The following IL4R variants were observed in gnomAD, a reference collection of about 807,000 sequenced individuals.
IL4R encodes interleukin-4 receptor subunit alpha.
In IL4R, 17 loss-of-function variants were observed where a neutral mutation model predicts 41.5. The ratio of observed to expected loss-of-function variants is 0.41; its 90% confidence interval spans 0.28 to 0.61. The LOEUF (loss-of-function observed/expected upper bound fraction) is 0.61, where lower values mean the gene tolerates loss of function less well. IL4R is among the 20% of genes least tolerant of loss of function. The pLI is 0.31. For synonymous variants in IL4R, 402 were observed against 422.9 expected (o/e 0.95, Z 0.61); for missense variants, 974 against 1,043.1 (o/e 0.93, Z 0.91).
In IL4R at chr16:27,363,607, C is replaced by T; in HGVS notation, c.2255C>T (p.Ser752Phe). The T allele has an allele frequency of 6.2e-7, 1 of 1,613,982 alleles. No homozygotes were observed. Among genetic ancestry groups the T allele is most frequent in the Non-Finnish European group, 8.5e-7 (1 of 1,179,986 alleles). ...TGTGGCTGCTGCTGTGGAGACAGGT[C>T]CTCGCCCCCTACAACCCCCCTGAGG... ...PCCGCCCGDR[S>F]SPPTTPLRAP... Residue 752 changes from serine (S) to phenylalanine (F), a missense_variant, in exon 11 of 11, where the codon TCC (serine) becomes TTC (phenylalanine). Around this residue, in one of 3 missense-constraint regions of IL4R, gnomAD observed 682 missense variants for 704.3 expected, o/e 0.97. Coordinates refer to ENST00000395762, the MANE Select transcript of IL4R (RefSeq NM_000418.4).
chr16:27,341,904 C>A (rs964564750), intron 3 of IL4R: 2 of 546,530 alleles, frequency 3.7e-6, no homozygotes, highest in Non-Finnish European at 6.5e-6. Context: ...TGTCTAATGG[C>A]CCCCGCACCC....
At chr16:27,340,132 T>G in intron 2 of IL4R, 54 bp from the exon 3 acceptor site, 4 of 1,164,582 alleles carry the variant, frequency 3.4e-6, no homozygotes, top group South Asian at 1.3e-5. Context: ...TTGAATAAGA[T>G]GAGCTCTGCT....
intron 9 of IL4R, among the ~76,000 whole-genome samples, chr16:27,360,041 G>A (rs112760227): frequency 7.3e-5 from 11 of 150,894 alleles, no homozygotes; most frequent in East Asian, 3.9e-4. Flanking sequence ...TTTCTGAGAC[G>A]GAGTTTTGCT....
In IL4R at chr16:27,336,582, G is replaced by GTGGGAAGA. The variant is rs576847854; in HGVS notation, c.-18-3602_-18-3595dup. Among the ~76,000 whole-genome samples the GTGGGAAGA allele has an allele frequency of 9.2e-5, 14 of 151,768 alleles. No homozygotes were observed. In the East Asian group the frequency reaches 2.7e-3, roughly 29 times the overall value. On this transcript the variant is annotated intron_variant, in intron 2 of 10. Coordinates refer to ENST00000395762, the MANE Select transcript of IL4R (RefSeq NM_000418.4). ...GGTCCCAGCTACTCAGGAGGCTGAG[G>GTGGGAAGA]TGGGAAGATTGCTTGAGCCCGGGAG...
chr16:27,319,675 A>G (rs1596742899), intron 1 of IL4R, among the ~76,000 whole-genome samples: 1 of 152,182 alleles, frequency 6.6e-6, no homozygotes, highest in East Asian at 1.9e-4. Context: ...AGGGGTCCCC[A>G]CACAGCAGGG....
chr16:27,313,957 C>T, upstream of IL4R: 2 of 984,664 alleles, frequency 2.0e-6, no homozygotes, highest in Non-Finnish European at 2.4e-6. Flanking sequence ...CAGGGAAGGG[C>T]CACCCAGGGG....
intron 1 of IL4R, among the ~76,000 whole-genome samples, chr16:27,326,624 C>T (rs1270679570): frequency 6.6e-6 from 1 of 152,120 alleles, no homozygotes; most frequent in South Asian, 2.1e-4. Context: ...CGTGACGGTG[C>T]GACTGCATTC....
intron 10 of IL4R, among the ~76,000 whole-genome samples, chr16:27,361,857 C>A (rs1355776468): frequency 6.6e-6 from 1 of 152,130 alleles, no homozygotes; most frequent in Non-Finnish European, 1.5e-5. Flanking sequence ...TGAGCTCAAG[C>A]GATCCTCCCT....
rs117388685 is a variant in IL4R, at chr16:27,324,808, G to A, written c.-151-5258G>A. On this transcript the variant is annotated intron_variant, in intron 1 of 10. Coordinates refer to ENST00000395762, the MANE Select transcript of IL4R (RefSeq NM_000418.4). Reference sequence around the variant, plus strand: ...AAGTGTCCACAGTGCGCCGGAGCGCGTGGTCTTCCCCAGCAAATCTGCTTC... The same window carrying A: ...AAGTGTCCACAGTGCGCCGGAGCGCATGGTCTTCCCCAGCAAATCTGCTTC... 2.9e-3 allele frequency among the ~76,000 whole-genome samples: 447 copies of A among 152,298 alleles called. 3 individuals are homozygous for A. The highest frequency in any genetic ancestry group is 4.3e-3 in the Non-Finnish European group (292 of 68,030).
intron 2 of IL4R, among the ~76,000 whole-genome samples, chr16:27,336,579 G>T (rs1343862405): frequency 6.6e-6 from 1 of 151,506 alleles, no homozygotes; most frequent in African/African-American, 2.4e-5. Flanking sequence ...TCAGGAGGCT[G>T]AGGTGGGAAG....
In IL4R at chr16:27,345,272, A is replaced by T. The variant is rs2085601474; in HGVS notation, c.361+252A>T. On this transcript the variant is annotated intron_variant, in intron 5 of 10. Coordinates refer to ENST00000395762, the MANE Select transcript of IL4R (RefSeq NM_000418.4). This position sits in a 1 kb window ranked among gnomAD's most constrained non-coding sequence, Gnocchi z 4.5. ...TTTCCACCCCTGAACTTAAGTGCCC[A>T]GGAAGGCGTATTGAGATGAGGTGTG... The T allele has an allele frequency of 1.2e-5, 8 of 641,422 alleles. No homozygotes were observed. Among genetic ancestry groups the T allele is most frequent in the Non-Finnish European group, 2.3e-5 (8 of 347,018 alleles). The allele number at this position is 641,422 out of a possible 1,614,324, so 39.7% of individuals were successfully genotyped here.
At chr16:27,315,842 G>A in intron 1 of IL4R, among the ~76,000 whole-genome samples, 1 of 152,196 alleles carries the variant, frequency 6.6e-6, no homozygotes, top group Non-Finnish European at 1.5e-5. Context: ...TGAATCTGGA[G>A]GGAGACGCTG....
At chr16:27,347,215 G>C (rs1327933780) in intron 6 of IL4R, among the ~76,000 whole-genome samples, 1 of 152,144 alleles carries the variant, frequency 6.6e-6, no homozygotes, top group Non-Finnish European at 1.5e-5. Context: ...TTTTGAGACA[G>C]AGTCTCACTC....
rs11866332 is a variant in IL4R, at chr16:27,329,054, C to T, written c.-151-1012C>T. 7.3e-3 allele frequency among the ~76,000 whole-genome samples: 1,104 copies of T among 152,108 alleles called. 11 individuals are homozygous for T. Among genetic ancestry groups the T allele is most frequent in the African/African-American group, 0.025 (1,019 of 41,502 alleles). On this transcript the variant is annotated intron_variant, in intron 1 of 10. Coordinates refer to ENST00000395762, the MANE Select transcript of IL4R (RefSeq NM_000418.4). ...GGTGGGAGATGTTGGGTCATGGGGACGGGTCCCTCATGGTTTGGTTCTGTC... is the reference window on the plus strand; with the variant it reads ...GGTGGGAGATGTTGGGTCATGGGGATGGGTCCCTCATGGTTTGGTTCTGTC...
chr16:27,327,857 A>T (rs2085003391), intron 1 of IL4R, among the ~76,000 whole-genome samples: 1 of 152,152 alleles, frequency 6.6e-6, no homozygotes, highest in African/African-American at 2.4e-5. Context: ...CCAGGCACAA[A>T]ATAAGTACTG....
Position 27,363,105 on chromosome 16 carries a change from G to A in IL4R, c.1753G>A (p.Gly585Ser), listed in dbSNP as rs754575131. The A allele has an allele frequency of 6.2e-7, 1 of 1,614,074 alleles. No homozygotes were observed. Among genetic ancestry groups the A allele is most frequent in the South Asian group, 1.1e-5 (1 of 91,086 alleles). The change falls in exon 11 of 11, where the codon GGT (glycine) becomes AGT (serine). Residue 585 changes from glycine to serine, a missense_variant. By Grantham distance (56) the Gly-to-Ser change is moderately conservative (BLOSUM62 0). Around this residue, in one of 3 missense-constraint regions of IL4R, gnomAD observed 682 missense variants for 704.3 expected, o/e 0.97. Transcript: ENST00000395762. ...YQEFVHAVEQGGTQASAVVGL... is the reference protein window; with the variant it reads ...YQEFVHAVEQSGTQASAVVGL... ...GGAGTTTGTACATGCGGTGGAGCAG[G>A]GTGGCACCCAGGCCAGTGCGGTGGT...
At chr16:27,342,440 C>T (rs146791010) in intron 4 of IL4R, among the ~76,000 whole-genome samples, 181 bp downstream of exon 4, 20 of 152,056 alleles carry the variant, frequency 1.3e-4, no homozygotes, top group South Asian at 1.2e-3. Context: ...TACAGTGGAG[C>T]GCATGGTGGG....
At chr16:27,355,129 G>T in intron 7 of IL4R, 1 of 392,642 alleles carries the variant, frequency 2.5e-6, no homozygotes. Context: ...TGACATTCTG[G>T]AGGGAGAGAC....
intron 3 of IL4R, among the ~76,000 whole-genome samples, chr16:27,340,727 A>G (rs915927817): frequency 1.1e-4 from 16 of 152,180 alleles, no homozygotes; most frequent in African/African-American, 3.9e-4. Flanking sequence ...GTCAAAAAAA[A>G]AGAGAAGGTG....
Sources: allele counts gnomAD v4.1 joint callset (sites outside exome capture counted in the v4.1 genomes callset), GRCh38; gene constraint gnomAD v4.1.1; regional missense constraint gnomAD v4.1.1; non-coding constraint Gnocchi (gnomAD v3.1); transcripts MANE v1.5; gene names NCBI Gene and HGNC (gene_info 2026-07-23, HGNC 2026-07-21).